ZNF367: variants seen among roughly 807,000 people sequenced by gnomAD.
The protein encoded by ZNF367 is zinc finger protein 367.
ZNF367 carries 11 observed loss-of-function variants against 31.8 expected under a neutral mutation model. That is an observed-to-expected ratio of 0.35 (90% CI 0.22 to 0.57). The LOEUF (loss-of-function observed/expected upper bound fraction) is 0.57, where lower values mean the gene tolerates loss of function less well. Ranked by LOEUF, ZNF367 falls within the 20% of genes least tolerant of loss-of-function variation. The probability of loss-of-function intolerance (pLI) is 0.85; values close to 1 mark genes in which losing one functional copy is unlikely to be tolerated. For synonymous variants in ZNF367, 199 were observed against 202.4 expected (o/e 0.98, Z 0.14); for missense variants, 353 against 484.1 (o/e 0.73, Z 2.54).
chr9:96,400,309 C>T (rs1339000449), intron 1 of ZNF367, among the ~76,000 whole-genome samples: 1 of 146,298 alleles, frequency 6.8e-6, no homozygotes, highest in Non-Finnish European at 1.5e-5. Context: ...GGGAGAATTA[C>T]TTGACCCTGC....
At chr9:96,404,422 G>A (rs934801876) in intron 1 of ZNF367, among the ~76,000 whole-genome samples, 3 of 151,464 alleles carry the variant, frequency 2.0e-5, no homozygotes, top group Admixed American at 2.0e-4. Context: ...GTGAAACCCC[G>A]TCTCTACTAA....
chr9:96,396,484 A>G (rs977576757), intron 2 of ZNF367, among the ~76,000 whole-genome samples: 2 of 152,076 alleles, frequency 1.3e-5, no homozygotes, highest in Non-Finnish European at 2.9e-5. Flanking sequence ...TCATTTAAAT[A>G]TATATTTTCA....
intron 1 of ZNF367, among the ~76,000 whole-genome samples, chr9:96,411,160 G>A (rs1011910064): frequency 2.3e-5 from 3 of 132,700 alleles, no homozygotes; most frequent in African/African-American, 3.7e-5. Context: ...CTCCAGCCTG[G>A]GCGACAGAGA....
chr9:96,415,048 T>A (rs563757446), intron 1 of ZNF367, among the ~76,000 whole-genome samples: 162 of 151,290 alleles, frequency 1.1e-3, no homozygotes, highest in Non-Finnish European at 1.4e-3. Context: ...AGGATACCCA[T>A]CCAAATTTTT....
At chr9:96,395,536 T>C (rs2131072865) in intron 2 of ZNF367, among the ~76,000 whole-genome samples, 1 of 152,186 alleles carries the variant, frequency 6.6e-6, no homozygotes, top group South Asian at 2.1e-4. Context: ...AGGGGCAGAG[T>C]TTATCCTTAC....
intron 1 of ZNF367, among the ~76,000 whole-genome samples, chr9:96,415,294 C>T (rs913778129): frequency 6.8e-6 from 1 of 147,630 alleles, no homozygotes; most frequent in African/African-American, 2.5e-5. Flanking sequence ...GTCTCTATCT[C>T]CTGACCTTGT....
rs1456395646 is a variant in ZNF367 at position 96,418,147 on chromosome 9, T to G, written c.-115A>C. The G allele has an allele frequency of 8.0e-7, 1 of 1,256,074 alleles. No individual in the cohort carries two copies. The highest frequency in any genetic ancestry group is 1.0e-6 in the Non-Finnish European group (1 of 997,704). 77.8% of individuals were successfully genotyped at this position (1,256,074 alleles called of 1,614,324 possible). ...TCAGTCCTGCCGGCTCATGGCAGAC[T>G]GACGTTTCCCGGAATCCTGCGCAGC... On this transcript the variant is annotated 5_prime_UTR_variant, in exon 1 of 5. Coordinates refer to ENST00000375256, the MANE Select transcript of ZNF367 (RefSeq NM_153695.4).
intron 1 of ZNF367, among the ~76,000 whole-genome samples, chr9:96,410,168 C>A (rs1831724616): frequency 6.6e-6 from 1 of 150,978 alleles, no homozygotes; most frequent in Non-Finnish European, 1.5e-5. Flanking sequence ...GAGGCTGAGG[C>A]AGAATGGCGT....
At chr9:96,408,084 G>T (rs1041039034) in intron 1 of ZNF367, among the ~76,000 whole-genome samples, 1 of 152,094 alleles carries the variant, frequency 6.6e-6, no homozygotes, top group African/African-American at 2.4e-5. Flanking sequence ...AGCGGGGAGG[G>T]ATAGCATTAG....
At chr9:96,401,547 C>T (rs1371743722) in intron 1 of ZNF367, among the ~76,000 whole-genome samples, 1 of 151,650 alleles carries the variant, frequency 6.6e-6, no homozygotes, top group Non-Finnish European at 1.5e-5. Context: ...ATCCCAGCTA[C>T]TCGGGAGGCT....
intron 1 of ZNF367, among the ~76,000 whole-genome samples, chr9:96,402,740 G>T (rs1430792277): frequency 6.7e-6 from 1 of 149,748 alleles, no homozygotes; most frequent in African/African-American, 2.5e-5. Context: ...CCGGAGTGTT[G>T]GGATTACAGG....
chr9:96,393,341 T>C (rs1187580593), intron 3 of ZNF367, among the ~76,000 whole-genome samples: 1 of 151,686 alleles, frequency 6.6e-6, no homozygotes, highest in Non-Finnish European at 1.5e-5. Context: ...CTGGCCAACA[T>C]GGTCCCCCAT....
chr9:96,393,557 C>T (rs1587742136), intron 3 of ZNF367, among the ~76,000 whole-genome samples: 1 of 145,136 alleles, frequency 6.9e-6, no homozygotes, highest in Admixed American at 6.8e-5. Context: ...AAATGCTGGG[C>T]GCAGTGGCTC....
chr9:96,400,214 T>C (rs992458104), intron 1 of ZNF367, among the ~76,000 whole-genome samples: 2 of 151,802 alleles, frequency 1.3e-5, no homozygotes, highest in South Asian at 4.2e-4. Flanking sequence ...CTGGGTAACA[T>C]AGCAAGACCC....
rs1396845340 is a variant in ZNF367 at position 96,392,460 on chromosome 9, G to A, written c.768C>T (p.Pro256=). The change falls in exon 4 of 5, where the codon CCC becomes CCT. Residue 256 remains proline, a synonymous_variant. Transcript: ENST00000375256. The part of the protein sequence containing the change: ...HPYARLKREE[P]TDTLSKHQAA... ...CCTGATGTTTGCTGAGTGTGTCCGT[G>A]GGCTCCTCTCTCTTCAGCCTGGCGT... The A allele has an allele frequency of 6.2e-7, 1 of 1,614,082 alleles. No individual in the cohort carries two copies. The highest frequency in any genetic ancestry group is 2.2e-5 in the East Asian group (1 of 44,868).
rs1355773470 is a variant in ZNF367, at chr9:96,386,045, TAA to T, written c.*2190_*2191del. 8 of 152,290 alleles carry T rather than the reference TAA, an allele frequency of 5.3e-5. No homozygotes were observed. In the South Asian group the frequency reaches 1.4e-3, roughly 28 times the overall value. The allele number at this position is 152,290 out of a possible 1,614,324, so 9.4% of individuals were successfully genotyped here. A position where few individuals can be genotyped will look rare whatever the true frequency, so the allele number is the denominator to read the frequency against. On this transcript the variant is annotated 3_prime_UTR_variant, in exon 5 of 5. Transcript: ENST00000375256. ...AACTACAACTTAGCCATATGAAGCATAAAACACTTCAAAAATTTGAATGTAAA... is the reference window on the plus strand; with the variant it reads ...AACTACAACTTAGCCATATGAAGCATAACACTTCAAAAATTTGAATGTAAA...
intron 4 of ZNF367, among the ~76,000 whole-genome samples, chr9:96,390,543 G>A (rs1831459858): frequency 6.6e-6 from 1 of 152,176 alleles, no homozygotes. Context: ...CTGAATTTGA[G>A]TTAGTAAGGA....
Position 96,417,996 on chromosome 9 carries a change from G to C in ZNF367, c.37C>G (p.Pro13Ala). The change falls in exon 1 of 5, where the codon CCG (proline) becomes GCG (alanine). Residue 13 changes from proline (P) to alanine (A), a missense_variant. Pro to Ala is a conservative substitution (Grantham distance 27, BLOSUM62 -1). Around this residue, in one of 5 missense-constraint regions of ZNF367, gnomAD observed 94 missense variants for 86.7 expected, o/e 1.08. Transcript: ENST00000375256. The surrounding 1 kb of genome is among the most constrained non-coding windows in gnomAD (Gnocchi z 5.0). ...ATGACGGGCGGCGGCGGCGGCGGCG[G>C]GTTCTCCGCCATGGGCGCCTCGAAG... The part of the protein sequence containing the change: ...RGFEAPMAEN[P>A]PPPPPPVIFC... 2.8e-6 allele frequency: 4 copies of C among 1,422,270 alleles called. No individual in the cohort carries two copies. The highest frequency in any genetic ancestry group is 3.6e-6 in the Non-Finnish European group (4 of 1,096,266). The allele number at this position is 1,422,270 out of a possible 1,614,324, so 88.1% of individuals were successfully genotyped here. A position where few individuals can be genotyped will look rare whatever the true frequency, so the allele number is the denominator to read the frequency against.
At chr9:96,410,386 C>A (rs1314207314) in intron 1 of ZNF367, among the ~76,000 whole-genome samples, 2 of 149,730 alleles carry the variant, frequency 1.3e-5, no homozygotes, top group Non-Finnish European at 3.0e-5. Flanking sequence ...ACGGTGAAAT[C>A]CCGTCTCTAC....
Sources: allele counts gnomAD v4.1 joint callset (sites outside exome capture counted in the v4.1 genomes callset), GRCh38; gene constraint gnomAD v4.1.1; regional missense constraint gnomAD v4.1.1; non-coding constraint Gnocchi (gnomAD v3.1); transcripts MANE v1.5; gene names NCBI Gene and HGNC (gene_info 2026-07-23, HGNC 2026-07-21).